Variants in GPC5 observed in about 807,000 individuals in gnomAD.
The protein encoded by GPC5 is glypican-5.
In GPC5, 47 loss-of-function variants were observed where a neutral mutation model predicts 53.9. The observed-to-expected ratio is 0.87, with a 90% CI of 0.69 to 1.11. The LOEUF (loss-of-function observed/expected upper bound fraction) is 1.11. Ranked by LOEUF, GPC5 falls within the 50% of genes most tolerant of loss-of-function variation. The probability of loss-of-function intolerance (pLI) is 0.00; values close to 1 mark genes in which losing one functional copy is unlikely to be tolerated. For missense variants in GPC5, 748 were observed against 713.1 expected (o/e 1.05, Z -0.56); for synonymous variants, 286 against 263.3 (o/e 1.09, Z -0.84).
intron 7 of GPC5, among the ~76,000 whole-genome samples, chr13:92,403,911 A>G (rs1206483911): frequency 2.0e-5 from 3 of 152,244 alleles, no homozygotes; most frequent in African/African-American, 7.2e-5. Context: ...TATATTAGCA[A>G]CTTTATTGGA....
intron 2 of GPC5, among the ~76,000 whole-genome samples, chr13:91,616,057 C>CA (rs914907481): frequency 4.5e-4 from 68 of 151,320 alleles, no homozygotes; most frequent in Non-Finnish European, 7.8e-4. Flanking sequence ...CTGGTGAAAA[C>CA]AAAAAAAAGC....
chr13:91,458,829 A>C (rs959282017), intron 2 of GPC5, among the ~76,000 whole-genome samples: 10 of 152,158 alleles, frequency 6.6e-5, no homozygotes, highest in African/African-American at 2.4e-4. Flanking sequence ...TGAGAGGGTA[A>C]AGAAAATGTG....
At chr13:92,739,986 C>A (rs1328827593) in intron 7 of GPC5, among the ~76,000 whole-genome samples, 1 of 152,030 alleles carries the variant, frequency 6.6e-6, no homozygotes, top group East Asian at 1.9e-4. Context: ...TCACCAGTGA[C>A]TTCCATATTA....
At chr13:92,347,747 A>G (rs2043425275) in intron 7 of GPC5, among the ~76,000 whole-genome samples, 1 of 141,704 alleles carries the variant, frequency 7.1e-6, no homozygotes, top group African/African-American at 2.7e-5. Context: ...CACATTACAA[A>G]GTGATGTAAA....
At chr13:91,600,640 G>A (rs972390206) in intron 2 of GPC5, among the ~76,000 whole-genome samples, 4 of 151,932 alleles carry the variant, frequency 2.6e-5, no homozygotes, top group South Asian at 2.1e-4. Flanking sequence ...ATGGGGTCTC[G>A]CTCTGTCGCC....
At chr13:91,682,178 A>T (rs1432934877) in intron 2 of GPC5, among the ~76,000 whole-genome samples, 1 of 152,210 alleles carries the variant, frequency 6.6e-6, no homozygotes, top group African/African-American at 2.4e-5. Flanking sequence ...AATGATTAAT[A>T]ATACAATGTG....
intron 2 of GPC5, among the ~76,000 whole-genome samples, chr13:91,594,576 C>T (rs2032921430): frequency 6.6e-6 from 1 of 152,142 alleles, no homozygotes; most frequent in African/African-American, 2.4e-5. Flanking sequence ...TTATGTTCCC[C>T]AAGTAGTCCA....
At chr13:91,450,366 T>C (rs1403296389) in intron 2 of GPC5, among the ~76,000 whole-genome samples, 1 of 152,194 alleles carries the variant, frequency 6.6e-6, no homozygotes. Context: ...AGGTACAATA[T>C]GAAATATACA....
intron 7 of GPC5, among the ~76,000 whole-genome samples, chr13:92,470,552 A>C (rs1887563): frequency 0.3 from 44,937 of 151,910 alleles, 7,200 homozygotes; most frequent in East Asian, 0.42. Context: ...AAAAACAGAA[A>C]GGCAAACTAT....
intron 2 of GPC5, among the ~76,000 whole-genome samples, chr13:91,535,545 C>G (rs1189633305): frequency 2.6e-5 from 4 of 152,014 alleles, no homozygotes; most frequent in African/African-American, 9.7e-5. Flanking sequence ...TTTATTTAAC[C>G]TTGATCATTC....
Position 91,576,682 on chromosome 13 carries a change from T to C in GPC5, c.326-116505T>C, listed in dbSNP as rs946369762. 4.6e-5 allele frequency among the ~76,000 whole-genome samples: 7 copies of C among 152,252 alleles called. No individual in the cohort carries two copies. In the South Asian group the frequency reaches 1.2e-3, roughly 27 times the overall value. On this transcript the variant is annotated intron_variant, in intron 2 of 7. Transcript: ENST00000377067. ...AAAGAGATGTGTTTCCAGAGCCTGA[T>C]GAGAGCTGCAACAATGGAAAGGGGC...
chr13:91,957,257 T>C (rs1297790423), intron 6 of GPC5, among the ~76,000 whole-genome samples: 1 of 152,156 alleles, frequency 6.6e-6, no homozygotes, highest in East Asian at 1.9e-4. Context: ...AGACAAGTCT[T>C]TTGAAATAAC....
intron 1 of GPC5, among the ~76,000 whole-genome samples, chr13:91,438,398 A>C (rs1880150181): frequency 1.3e-5 from 2 of 152,204 alleles, no homozygotes; most frequent in African/African-American, 4.8e-5. Context: ...CCTCAGCTGC[A>C]GGTCTGTTGG....
In GPC5 at chr13:92,535,931, A is replaced by ATTAAAT. The variant is rs1475262293; in HGVS notation, c.1562-330349_1562-330344dup. ...CATGATTATCTTAATCAAAATATGT[A>ATTAAAT]TTAAATTAAGATGCAAACATGAAAA... On this transcript the variant is annotated intron_variant, in intron 7 of 7. Coordinates refer to ENST00000377067, the MANE Select transcript of GPC5 (RefSeq NM_004466.6). Among the ~76,000 whole-genome samples the ATTAAAT allele has an allele frequency of 2.6e-5, 4 of 152,166 alleles. No homozygotes were observed. In the South Asian group the frequency reaches 6.2e-4, roughly 24 times the overall value.
At chr13:91,551,645 A>G (rs2030646542) in intron 2 of GPC5, among the ~76,000 whole-genome samples, 2 of 152,122 alleles carry the variant, frequency 1.3e-5, no homozygotes, top group South Asian at 4.1e-4. Flanking sequence ...AATAGCCCTG[A>G]GAATTCTAGA....
chr13:91,856,675 T>C (rs1259601344), intron 5 of GPC5, among the ~76,000 whole-genome samples: 1 of 151,446 alleles, frequency 6.6e-6, no homozygotes, highest in African/African-American at 2.4e-5. Flanking sequence ...TTTCTTTACA[T>C]ACTCAAGCTC....
chr13:91,550,455 G>A (rs147981988), intron 2 of GPC5, among the ~76,000 whole-genome samples: 1,636 of 152,226 alleles, frequency 0.011, 24 homozygotes, highest in Admixed American at 0.05. Context: ...ATATATGTGT[G>A]GGGGCAGGGA....
chr13:91,580,205 C>T (rs2032307531), intron 2 of GPC5, among the ~76,000 whole-genome samples: 1 of 152,058 alleles, frequency 6.6e-6, no homozygotes, highest in African/African-American at 2.4e-5. Context: ...CGCCTGCCAC[C>T]ATGCCTGGCT....
intron 6 of GPC5, among the ~76,000 whole-genome samples, chr13:92,066,226 G>A (rs1342487888): frequency 6.6e-6 from 1 of 152,000 alleles, no homozygotes; most frequent in Non-Finnish European, 1.5e-5. Flanking sequence ...GACAAGGGCT[G>A]CCATAAGCTA....
Sources: allele counts gnomAD v4.1 joint callset (sites outside exome capture counted in the v4.1 genomes callset), GRCh38; gene constraint gnomAD v4.1.1; transcripts MANE v1.5; gene names NCBI Gene and HGNC (gene_info 2026-07-23, HGNC 2026-07-21).